Variants in CALD1 observed in about 807,000 individuals in gnomAD.
The protein encoded by CALD1 is caldesmon 1, also known as caldesmon.
In CALD1, 33 loss-of-function variants were observed where a neutral mutation model predicts 99.9. The ratio of observed to expected loss-of-function variants is 0.33; its 90% CI spans 0.25 to 0.44. The LOEUF (loss-of-function observed/expected upper bound fraction) is 0.44. Among genes scored for constraint, CALD1 ranks in the 20% least tolerant of loss-of-function variants. The pLI is 1.00. For missense variants in CALD1, 861 were observed against 962.1 expected (o/e 0.89, Z 1.39); for synonymous variants, 310 against 325.0 (o/e 0.95, Z 0.50).
At chr7:134,878,887 G>A (rs1295083981) in intron 3 of CALD1, among the ~76,000 whole-genome samples, 2 of 152,134 alleles carry the variant, frequency 1.3e-5, no homozygotes, top group Non-Finnish European at 2.9e-5. Flanking sequence ...AGGATTACTT[G>A]AGCCTGGGAG....
At chr7:134,900,943 C>T (rs897025761) in intron 3 of CALD1, among the ~76,000 whole-genome samples, 1 of 152,076 alleles carries the variant, frequency 6.6e-6, no homozygotes, top group Non-Finnish European at 1.5e-5. Flanking sequence ...TTTATTAAAA[C>T]ATCCTTCTGC....
At chr7:134,763,746 C>T (rs755446566) in intron 1 of CALD1, among the ~76,000 whole-genome samples, 3 of 151,766 alleles carry the variant, frequency 2.0e-5, no homozygotes, top group Non-Finnish European at 2.9e-5. Context: ...GGTGAAACCC[C>T]GTCTCTACTA....
chr7:134,917,776 T>C lies in CALD1; in HGVS notation c.72-10978T>C, dbSNP rs571424911. On this transcript the variant is annotated intron_variant, in intron 3 of 14. Coordinates refer to ENST00000361675, the MANE Select transcript of CALD1 (RefSeq NM_033138.4). ...GGCTTATCTTTTTTAGCCACATTTA[T>C]ACCAGTTGAATCTTAAATAATGATG... 9.8e-5 allele frequency among the ~76,000 whole-genome samples: 15 copies of C among 152,374 alleles called. No homozygotes were observed. In the South Asian group the frequency reaches 2.7e-3, roughly 27 times the overall value.
chr7:134,807,626 A>G (rs544294947), intron 1 of CALD1, among the ~76,000 whole-genome samples: 1 of 152,222 alleles, frequency 6.6e-6, no homozygotes, highest in Non-Finnish European at 1.5e-5. Context: ...TAGACTTCTC[A>G]TAATAACTGG....
In CALD1 at chr7:134,947,690, G is replaced by A. The variant is rs200216400; in HGVS notation, c.1715G>A (p.Arg572Lys). The A allele has an allele frequency of 6.2e-7, 1 of 1,607,870 alleles. No homozygotes were observed. The highest frequency in any genetic ancestry group is 1.3e-5 in the African/African-American group (1 of 74,848). The change falls in exon 8 of 15, where the codon AGG (arginine) becomes AAG (lysine). Residue 572 changes from arginine (R) to lysine (K), a missense_variant. Arg to Lys is a conservative substitution (Grantham distance 26). Coordinates refer to ENST00000361675, the MANE Select transcript of CALD1 (RefSeq NM_033138.4). Reference protein sequence around the residue: ...ALELEELKKKREERRKVLEEE... With the variant: ...ALELEELKKKKEERRKVLEEE... ...GAGCTGGAGGAACTCAAGAAAAAGA[G>A]GGAGGAGAGAAGGAAGGTCCTGGAG...
chr7:134,884,132 T>C lies in CALD1; in HGVS notation c.71+16328T>C, dbSNP rs1586195631. On this transcript the variant is annotated intron_variant, in intron 3 of 14. Transcript: ENST00000361675. ...AAGAAAAAAAAAAAGGAATGGCCAGTAGAAGAAGCCTGCATGTCTGCCAAG... is the reference window on the plus strand; with the variant it reads ...AAGAAAAAAAAAAAGGAATGGCCAGCAGAAGAAGCCTGCATGTCTGCCAAG... Among the ~76,000 whole-genome samples, 4 of 149,644 alleles carry C rather than the reference T, an allele frequency of 2.7e-5. No individual in the cohort carries two copies. In the South Asian group the frequency reaches 6.3e-4, roughly 23 times the overall value.
chr7:134,847,860 C>T (rs4732061), intron 2 of CALD1, among the ~76,000 whole-genome samples: 12,896 of 152,174 alleles, frequency 0.085, 672 homozygotes, highest in Middle Eastern at 0.14. Context: ...TCCCCATAAG[C>T]GCAAGTGAGT....
rs1305131347 is a variant in CALD1 at position 134,779,703 on chromosome 7, TC to T, written c.-174del. On this transcript the variant is annotated 5_prime_UTR_variant, in exon 1 of 15. Coordinates refer to ENST00000361675, the MANE Select transcript of CALD1 (RefSeq NM_033138.4). ...CTGTGCTCCTGCTTAAAGAAATCAG[TC>T]CTTCCTTTCCGACTTAGTCCTCGGG... 7.5e-6 allele frequency: 3 copies of T among 398,606 alleles called. No homozygotes were observed. The highest frequency in any genetic ancestry group is 6.2e-5 in the African/African-American group (3 of 48,624). 24.7% of individuals were successfully genotyped at this position (398,606 alleles called of 1,614,324 possible).
chr7:134,959,789 G>A (rs555339145), intron 11 of CALD1, among the ~76,000 whole-genome samples, 185 bp from the exon 12 acceptor site: 1 of 152,310 alleles, frequency 6.6e-6, no homozygotes, highest in African/African-American at 2.4e-5. Flanking sequence ...AGCTGTGATG[G>A]TTTATTTTGA....
intron 2 of CALD1, among the ~76,000 whole-genome samples, chr7:134,859,432 G>GCATTA (rs1800467811): frequency 1.3e-5 from 2 of 152,260 alleles, no homozygotes; most frequent in South Asian, 4.1e-4. Flanking sequence ...TTCTGATTTA[G>GCATTA]CATTAAACTC....
chr7:134,936,846 G>C (rs1369444014), intron 6 of CALD1, among the ~76,000 whole-genome samples: 1 of 152,194 alleles, frequency 6.6e-6, no homozygotes, highest in South Asian at 2.1e-4. Context: ...GTGAGCACAG[G>C]CCATGTAAAG....
chr7:134,949,820 A>G (rs1309396521), intron 8 of CALD1, among the ~76,000 whole-genome samples: 1 of 151,990 alleles, frequency 6.6e-6, no homozygotes, highest in Non-Finnish European at 1.5e-5. Context: ...GGGGTGTCCA[A>G]TCTTTTGGCT....
At position 134,950,372 on chromosome 7, in the gene CALD1, A is replaced by G. The variant is rs1807241035; in HGVS notation, c.1795-2A>G. ...CCTCGTTATTTGTTCTTTCTCTCTT[A>G]GGAAGAGAAGAGGAGGCTAAAGGAA... On this transcript the variant is annotated splice_acceptor_variant, in intron 8 of 14. Transcript: ENST00000361675. LOFTEE classifies it high-confidence loss of function. 6.2e-7 allele frequency: 1 copy of G among 1,613,678 alleles called. No homozygotes were observed. Among genetic ancestry groups the G allele is most frequent in the Admixed American group, 1.7e-5 (1 of 59,982 alleles).
chr7:134,795,990 T>C (rs1224153788), intron 1 of CALD1, among the ~76,000 whole-genome samples: 4 of 152,194 alleles, frequency 2.6e-5, no homozygotes, highest in African/African-American at 7.2e-5. Context: ...TTTTTACTTT[T>C]TTAAACTTTC....
At chr7:134,864,586 G>T (rs993377858) in intron 2 of CALD1, among the ~76,000 whole-genome samples, 1 of 152,054 alleles carries the variant, frequency 6.6e-6, no homozygotes, top group African/African-American at 2.4e-5. Flanking sequence ...GTTTAGTAAA[G>T]ATGGGGTTTC....
At position 134,933,852 on chromosome 7, in the gene CALD1, G is replaced by A; in HGVS notation, c.1083G>A (p.Glu361=). 2 of 1,609,022 alleles carry A rather than the reference G, an allele frequency of 1.2e-6. No homozygotes were observed. The highest frequency in any genetic ancestry group is 8.5e-7 in the Non-Finnish European group (1 of 1,177,438). The part of the protein sequence containing the change: ...RAAEERQRIK[E]EEKRAAEERQ... ...CAGAGGAGAGGCAGAGGATAAAAGA[G>A]GAAGAGAAAAGGGCAGCAGAGGAGA... The change falls in exon 5 of 15, where the codon GAG becomes GAA. Residue 361 remains glutamate, a synonymous_variant. Coordinates refer to ENST00000361675, the MANE Select transcript of CALD1 (RefSeq NM_033138.4).
At chr7:134,798,544 G>C (rs1797832568) in intron 1 of CALD1, among the ~76,000 whole-genome samples, 2 of 152,210 alleles carry the variant, frequency 1.3e-5, no homozygotes, top group South Asian at 4.1e-4. Context: ...TGACTTGTGA[G>C]AGCTTTGACA....
intron 6 of CALD1, among the ~76,000 whole-genome samples, chr7:134,939,861 T>A (rs1006993433): frequency 1.3e-5 from 2 of 152,084 alleles, no homozygotes; most frequent in East Asian, 3.9e-4. Context: ...CTACTCAGGA[T>A]GCTAAGGCGG....
chr7:134,750,478 A>G (rs1391742337), intron 1 of CALD1, among the ~76,000 whole-genome samples: 1 of 152,206 alleles, frequency 6.6e-6, no homozygotes, highest in African/African-American at 2.4e-5. Flanking sequence ...CTAGAATTGT[A>G]TTTGAGCCAT....
Sources: allele counts gnomAD v4.1 joint callset (sites outside exome capture counted in the v4.1 genomes callset), GRCh38; gene constraint gnomAD v4.1.1; transcripts MANE v1.5; gene names NCBI Gene and HGNC (gene_info 2026-07-23, HGNC 2026-07-21).